Variants in ADK observed in about 807,000 individuals in gnomAD.
ADK encodes N6,N6-dimethyladenosine kinase.
In ADK, 24 loss-of-function variants were observed where a neutral mutation model predicts 44.7. The observed-to-expected ratio is 0.54, with a 90% CI of 0.39 to 0.76. ADK has a LOEUF of 0.76. Among genes scored for constraint, ADK ranks in the 30% least tolerant of loss-of-function variants. ADK has a pLI of 0.00. For missense variants in ADK, 321 were observed against 425.1 expected (o/e 0.76, Z 2.15); for synonymous variants, 128 against 142.6 (o/e 0.90, Z 0.73).
chr10:74,564,317 A>G (rs1253731756), intron 7 of ADK, among the ~76,000 whole-genome samples: 1 of 152,202 alleles, frequency 6.6e-6, no homozygotes, highest in Admixed American at 6.5e-5. Flanking sequence ...AAAACACTAT[A>G]TTACATTCTA....
intron 6 of ADK, among the ~76,000 whole-genome samples, chr10:74,490,154 A>G (rs1847424432): frequency 6.6e-6 from 1 of 152,058 alleles, no homozygotes; most frequent in Admixed American, 6.6e-5. Context: ...GAATTTCAAT[A>G]AGGAAGAAAA....
intron 7 of ADK, among the ~76,000 whole-genome samples, chr10:74,535,657 A>G (rs1055658451): frequency 2.7e-5 from 4 of 145,654 alleles, no homozygotes; most frequent in Admixed American, 2.1e-4. Flanking sequence ...ATCACAGCTC[A>G]CTGCAACCTC....
chr10:74,354,784 C>G (rs565287509), intron 4 of ADK, among the ~76,000 whole-genome samples: 4 of 152,290 alleles, frequency 2.6e-5, no homozygotes, highest in Non-Finnish European at 5.9e-5. Context: ...CATGGCATCA[C>G]TCCACTTTAA....
chr10:74,277,799 G>C (rs922704608), intron 3 of ADK, among the ~76,000 whole-genome samples: 8 of 152,028 alleles, frequency 5.3e-5, no homozygotes, highest in African/African-American at 1.9e-4. Context: ...GTACATTGTG[G>C]TCAGAGAATA....
intron 7 of ADK, among the ~76,000 whole-genome samples, chr10:74,560,149 G>A (rs112713832): frequency 2.4e-4 from 37 of 152,216 alleles, no homozygotes; most frequent in Non-Finnish European, 4.9e-4. Context: ...AATCTCCTGA[G>A]CTCAAGTGAT....
At chr10:74,387,835 A>G (rs1442825518) in intron 4 of ADK, among the ~76,000 whole-genome samples, 4 of 152,220 alleles carry the variant, frequency 2.6e-5, no homozygotes, top group Non-Finnish European at 4.4e-5. Context: ...GGTGATACAA[A>G]TATAATAATA....
At chr10:74,536,613 T>A (rs895686679) in intron 7 of ADK, among the ~76,000 whole-genome samples, 1 of 150,780 alleles carries the variant, frequency 6.6e-6, no homozygotes, top group Non-Finnish European at 1.5e-5. Flanking sequence ...TTTTTTTTTT[T>A]AATCAACCCA....
At chr10:74,204,728 C>A (rs1843526161) in intron 2 of ADK, among the ~76,000 whole-genome samples, 1 of 152,092 alleles carries the variant, frequency 6.6e-6, no homozygotes, top group African/African-American at 2.4e-5. Context: ...ACTATACTTA[C>A]ATTTCTTAAA....
chr10:74,632,770 T>C (rs1022784579), intron 9 of ADK, among the ~76,000 whole-genome samples: 2 of 152,230 alleles, frequency 1.3e-5, no homozygotes, highest in Non-Finnish European at 2.9e-5. Context: ...ACTATTTAGC[T>C]TTCTACATAT....
intron 4 of ADK, among the ~76,000 whole-genome samples, chr10:74,366,171 A>G (rs923241934): frequency 1.3e-5 from 2 of 152,148 alleles, no homozygotes; most frequent in Non-Finnish European, 2.9e-5. Flanking sequence ...GTTATCTATT[A>G]TTATAGTCTT....
intron 4 of ADK, among the ~76,000 whole-genome samples, chr10:74,347,406 A>G (rs1482439472): frequency 6.6e-6 from 1 of 152,058 alleles, no homozygotes; most frequent in Non-Finnish European, 1.5e-5. Flanking sequence ...TGATTTTCCT[A>G]TGGTTTTTGC....
chr10:74,169,102 C>G (rs1474109506), intron 1 of ADK, among the ~76,000 whole-genome samples: 1 of 151,882 alleles, frequency 6.6e-6, no homozygotes, highest in African/African-American at 2.4e-5. Flanking sequence ...ATATGTGGTC[C>G]CAGCCGCTCA....
chr10:74,348,131 C>T (rs1252221600), intron 4 of ADK, among the ~76,000 whole-genome samples: 2 of 152,170 alleles, frequency 1.3e-5, no homozygotes, highest in Non-Finnish European at 2.9e-5. Flanking sequence ...TCCGTGCCTT[C>T]TCACTGGGAG....
At chr10:74,195,692 C>CTTTTCTTTTTTTT (rs1564585525) in intron 1 of ADK, among the ~76,000 whole-genome samples, 1 of 115,242 alleles carries the variant, frequency 8.7e-6, no homozygotes, top group African/African-American at 3.7e-5. Context: ...TTCTTTCTTT[C>CTTTTCTTTTTTTT]TTTTTCTTTT....
intron 2 of ADK, among the ~76,000 whole-genome samples, chr10:74,219,022 T>A (rs1844179199): frequency 6.6e-6 from 1 of 151,982 alleles, no homozygotes; most frequent in Non-Finnish European, 1.5e-5. Flanking sequence ...ATAACAATAT[T>A]AACTTTAAAT....
chr10:74,151,249 G>T lies in ADK; in HGVS notation c.-30G>T. 3.2e-6 allele frequency: 5 copies of T among 1,549,498 alleles called. No homozygotes were observed. The highest frequency in any genetic ancestry group is 4.4e-6 in the Non-Finnish European group (5 of 1,146,722). ...AGAGAGTGGATGGCAGAGGTGGGCTGTAGAGCCAAAGTGGGGTGGGAGCGC... is the reference window on the plus strand; with the variant it reads ...AGAGAGTGGATGGCAGAGGTGGGCTTTAGAGCCAAAGTGGGGTGGGAGCGC... On this transcript the variant is annotated 5_prime_UTR_variant, in exon 1 of 11. Coordinates refer to ENST00000539909, the MANE Select transcript of ADK (RefSeq NM_006721.4).
chr10:74,176,981 C>T lies in ADK; in HGVS notation c.66-23783C>T, dbSNP rs536013933. The T allele has an allele frequency of 2.3e-4, 356 of 1,518,952 alleles. 3 individuals carry two copies. In the South Asian group the frequency reaches 3.0e-3, roughly 13 times the overall value. 94.1% of individuals were successfully genotyped at this position (1,518,952 alleles called of 1,614,324 possible). On this transcript the variant is annotated intron_variant, in intron 1 of 10. Coordinates refer to ENST00000539909, the MANE Select transcript of ADK (RefSeq NM_006721.4). ...GCTCCTTCTCGCGGGTGGTCTGGAG[C>T]CTGCCTCCGCCTCTGGTCCCCCTCG...
intron 3 of ADK, among the ~76,000 whole-genome samples, chr10:74,268,521 G>A (rs1238745288): frequency 6.6e-6 from 1 of 152,116 alleles, no homozygotes; most frequent in Non-Finnish European, 1.5e-5. Flanking sequence ...TTATGGTGAT[G>A]ATAAAATAAG....
At chr10:74,479,176 T>C (rs1438572245) in intron 6 of ADK, among the ~76,000 whole-genome samples, 1 of 151,914 alleles carries the variant, frequency 6.6e-6, no homozygotes, top group African/African-American at 2.4e-5. Context: ...TTTTTGTATT[T>C]TTTGTAAAGA....
Sources: gnomAD v4.1 joint callset for allele counts (sites outside exome capture counted in the v4.1 genomes callset) on GRCh38, gnomAD v4.1.1 for gene constraint, MANE v1.5 for transcripts, NCBI Gene and HGNC (gene_info 2026-07-23, HGNC 2026-07-21) for gene names.